Variants in SPTY2D1 observed in about 807,000 individuals in gnomAD.
SPTY2D1 encodes the protein protein SPT2 homolog.
Under a neutral mutation model 64.0 loss-of-function variants are expected in SPTY2D1, and 21 were observed. The ratio of observed to expected loss-of-function variants is 0.33; its 90% CI spans 0.23 to 0.47. The LOEUF (loss-of-function observed/expected upper bound fraction) is 0.47, where lower values mean the gene tolerates loss of function less well. Ranked by LOEUF, SPTY2D1 falls within the 20% of genes least tolerant of loss-of-function variation. The pLI is 1.00. For missense variants in SPTY2D1, 724 were observed against 837.2 expected (o/e 0.86, Z 1.67); for synonymous variants, 287 against 286.8 (o/e 1.00, Z -0.01).
At chr11:18,620,996 T>C (rs994789167) in intron 1 of SPTY2D1, among the ~76,000 whole-genome samples, 3 of 151,966 alleles carry the variant, frequency 2.0e-5, no homozygotes, top group Non-Finnish European at 2.9e-5. Context: ...GCCCTATATG[T>C]GCTGCTCTTT....
At chr11:18,626,510 C>T (rs1854501525) in intron 1 of SPTY2D1, among the ~76,000 whole-genome samples, 1 of 152,106 alleles carries the variant, frequency 6.6e-6, no homozygotes, top group Non-Finnish European at 1.5e-5. Context: ...AGGTAACAAC[C>T]TTCCTCACTA....
intron 5 of SPTY2D1, chr11:18,610,401 C>T (rs1037098232): frequency 1.3e-5 from 2 of 157,438 alleles, no homozygotes; most frequent in African/African-American, 2.4e-5. Flanking sequence ...GTGGCTCACA[C>T]CTGTAATCCC....
chr11:18,624,725 G>A (rs1854468689), intron 1 of SPTY2D1, among the ~76,000 whole-genome samples: 1 of 152,184 alleles, frequency 6.6e-6, no homozygotes, highest in South Asian at 2.1e-4. Flanking sequence ...CTGGCCAGGC[G>A]TGATGGCTCA....
intron 1 of SPTY2D1, among the ~76,000 whole-genome samples, chr11:18,629,093 G>T (rs1170019525): frequency 6.6e-6 from 1 of 152,148 alleles, no homozygotes; most frequent in African/African-American, 2.4e-5. Context: ...TTACCTTTCG[G>T]TTTGTGGCAG....
At chr11:18,623,252 C>T (rs546510608) in intron 1 of SPTY2D1, among the ~76,000 whole-genome samples, 2 of 152,292 alleles carry the variant, frequency 1.3e-5, no homozygotes, top group East Asian at 3.9e-4. Context: ...GAAGGGTCAA[C>T]TGCATCCACA....
chr11:18,628,270 G>T (rs1055787363), intron 1 of SPTY2D1, among the ~76,000 whole-genome samples: 60 of 152,262 alleles, frequency 3.9e-4, no homozygotes, highest in African/African-American at 1.4e-3. Context: ...TACTCCATTT[G>T]GCTATTATGA....
intron 1 of SPTY2D1, among the ~76,000 whole-genome samples, chr11:18,621,110 C>A (rs1461204886): frequency 6.6e-6 from 1 of 151,028 alleles, no homozygotes; most frequent in Non-Finnish European, 1.5e-5. Flanking sequence ...TCGAGACCAG[C>A]CTGGTCAACT....
At chr11:18,633,955 CA>C in intron 1 of SPTY2D1, among the ~76,000 whole-genome samples, 1 of 152,332 alleles carries the variant, frequency 6.6e-6, no homozygotes, top group East Asian at 1.9e-4. Flanking sequence ...ACCCAAACCG[CA>C]AAGTCCCTGT....
At chr11:18,613,019 C>T (rs1854232027) in intron 3 of SPTY2D1, among the ~76,000 whole-genome samples, 1 of 152,230 alleles carries the variant, frequency 6.6e-6, no homozygotes, top group African/African-American at 2.4e-5. Context: ...CTGCCTTGGC[C>T]TCCCAAAGTG....
In SPTY2D1 at chr11:18,614,668, T is replaced by G. The variant is rs1206491441; in HGVS notation, c.1606A>C (p.Thr536Pro). The change falls in exon 3 of 6, where the codon ACT becomes CCT. Residue 536 changes from threonine to proline, a missense_variant. Transcript: ENST00000336349. ...GAAGAAATTGTTTCGGAGACAACAG[T>G]GCACTTAGGCTTTATAGTGGGACCT... Reference protein sequence around the residue: ...SSGPTIKPKCTVVSETISSKN... With the variant: ...SSGPTIKPKCPVVSETISSKN... The G allele has an allele frequency of 6.2e-7, 1 of 1,614,276 alleles. No homozygotes were observed. The highest frequency in any genetic ancestry group is 8.5e-7 in the Non-Finnish European group (1 of 1,180,050).
Position 18,612,134 on chromosome 11 carries a change from T to C in SPTY2D1, c.1886+180A>G. 1 of 431,886 alleles carries C rather than the reference T, an allele frequency of 2.3e-6. No homozygotes were observed. The highest frequency in any genetic ancestry group is 3.6e-5 in the East Asian group (1 of 28,166). 26.8% of individuals were successfully genotyped at this position (431,886 alleles called of 1,614,324 possible). ...CATGCAAATAACTACAGAAACTATT[T>C]TGAATTAAATATAAAATATTTAGTG... On this transcript the variant is annotated intron_variant, in intron 4 of 5. Coordinates refer to ENST00000336349, the MANE Select transcript of SPTY2D1 (RefSeq NM_194285.3). This position sits in a 1 kb window ranked among gnomAD's most constrained non-coding sequence, Gnocchi z 4.6.
Position 18,620,408 on chromosome 11 carries a change from G to A in SPTY2D1, c.61-3419C>T, listed in dbSNP as rs372390731. Among the ~76,000 whole-genome samples, 78 of 152,202 alleles carry A rather than the reference G, an allele frequency of 5.1e-4. No homozygotes were observed. The East Asian group carries it at 0.014, about 26-fold the overall frequency. ...GCACGAGAATCACTTGAACCCAGGAGGCAGAGGTTGTAGTGAGCCAAGATC... is the reference window on the plus strand; with the variant it reads ...GCACGAGAATCACTTGAACCCAGGAAGCAGAGGTTGTAGTGAGCCAAGATC... On this transcript the variant is annotated intron_variant, in intron 1 of 5. Coordinates refer to ENST00000336349, the MANE Select transcript of SPTY2D1 (RefSeq NM_194285.3).
At chr11:18,629,596 C>G (rs1282580967) in intron 1 of SPTY2D1, among the ~76,000 whole-genome samples, 1 of 152,184 alleles carries the variant, frequency 6.6e-6, no homozygotes, top group African/African-American at 2.4e-5. Context: ...GTTTTTCCTA[C>G]TGGAACCCAG....
intron 1 of SPTY2D1, among the ~76,000 whole-genome samples, chr11:18,619,073 G>C (rs910901504): frequency 1.3e-5 from 2 of 152,162 alleles, no homozygotes; most frequent in Non-Finnish European, 2.9e-5. Context: ...GAAAGAAAGG[G>C]AGAGGAGAAA....
At chr11:18,627,693 A>G (rs944624987) in intron 1 of SPTY2D1, among the ~76,000 whole-genome samples, 1 of 152,224 alleles carries the variant, frequency 6.6e-6, no homozygotes, top group African/African-American at 2.4e-5. Flanking sequence ...CCTGGCTAAC[A>G]CAGTGAAACC....
intron 1 of SPTY2D1, among the ~76,000 whole-genome samples, chr11:18,633,385 T>TA (rs1854619291): frequency 6.6e-6 from 1 of 152,228 alleles, no homozygotes; most frequent in African/African-American, 2.4e-5. Flanking sequence ...GTGCTGTGGG[T>TA]ACCATCTGAA....
rs1442720643 is a variant in SPTY2D1 at position 18,608,465 on chromosome 11, C to T, written c.*1396G>A. The T allele has an allele frequency of 6.6e-6, 1 of 152,234 alleles. No homozygotes were observed. The highest frequency in any genetic ancestry group is 6.5e-5 in the Admixed American group (1 of 15,276). 9.4% of individuals were successfully genotyped at this position (152,234 alleles called of 1,614,324 possible). On this transcript the variant is annotated 3_prime_UTR_variant, in exon 6 of 6. Coordinates refer to ENST00000336349, the MANE Select transcript of SPTY2D1 (RefSeq NM_194285.3). ...ATCCCTCCTACTTCCTAATCCCCCC[C>T]ATACAATGGCTTAAGATAGCCAAAA...
In SPTY2D1 at chr11:18,615,502, G is replaced by T; in HGVS notation, c.772C>A (p.Leu258Ile). The T allele has an allele frequency of 1.2e-6, 2 of 1,614,194 alleles. No homozygotes were observed. Among genetic ancestry groups the T allele is most frequent in the Non-Finnish European group, 1.7e-6 (2 of 1,180,036 alleles). ...DRHPSSKGMP[L>I]PHAEKKSRPS... The stretch of plus-strand genomic sequence containing the variant: ...CTTGATTTCTTCTCAGCATGAGGAA[G>T]GGGCATTCCTTTGGAAGAAGGATGC... The change falls in exon 3 of 6, where the codon CTT becomes ATT. Residue 258 changes from leucine (L) to isoleucine (I), a missense_variant. This residue lies in a region of SPTY2D1 where 426 missense variants were observed against 431.8 expected (regional missense o/e 0.99). Transcript: ENST00000336349.
At chr11:18,619,938 T>C (rs535350299) in intron 1 of SPTY2D1, among the ~76,000 whole-genome samples, 5 of 152,274 alleles carry the variant, frequency 3.3e-5, no homozygotes, top group African/African-American at 1.2e-4. Flanking sequence ...TTGAGCACTA[T>C]CTAACATGAT....
Sources: gnomAD v4.1 joint callset for allele counts (sites outside exome capture counted in the v4.1 genomes callset) on GRCh38, gnomAD v4.1.1 for gene constraint, gnomAD v4.1.1 regional missense constraint, Gnocchi (gnomAD v3.1) non-coding constraint, MANE v1.5 for transcripts, NCBI Gene and HGNC (gene_info 2026-07-23, HGNC 2026-07-21) for gene names.